TRIP12: variants seen among roughly 807,000 people sequenced by gnomAD.
TRIP12 encodes the protein thyroid hormone receptor interactor 12.
In TRIP12, 25 loss-of-function variants were observed where a neutral mutation model predicts 244.2. The ratio of observed to expected loss-of-function variants is 0.10; its 90% CI spans 0.07 to 0.14. The LOEUF (loss-of-function observed/expected upper bound fraction) is 0.14. TRIP12 is among the 10% of genes least tolerant of loss of function. TRIP12 has a pLI of 1.00. For missense variants in TRIP12, 1,677 were observed against 2,486.4 expected, an observed-to-expected ratio of 0.67 and a Z score of 6.92; for synonymous variants, 905 against 873.1, an observed-to-expected ratio of 1.04 and a Z score of -0.64.
intron 13 of TRIP12, among the ~76,000 whole-genome samples, chr2:229,811,427 CT>C (rs142211614): frequency 0.022 from 3,348 of 151,718 alleles, 133 homozygotes; most frequent in African/African-American, 0.077. Flanking sequence ...ATAAAGGCCC[CT>C]ACTAGATAAA....
chr2:229,797,612 G>C (rs1441608884), intron 24 of TRIP12, 78 bp downstream of exon 24: 38 of 1,547,020 alleles, frequency 2.5e-5, no homozygotes, highest in Non-Finnish European at 3.3e-5. Flanking sequence ...GGAAGCTAGA[G>C]AGTCATGAAG....
intron 2 of TRIP12, among the ~76,000 whole-genome samples, chr2:229,869,703 A>G (rs2062193749): frequency 6.6e-6 from 1 of 152,234 alleles, no homozygotes; most frequent in Admixed American, 6.5e-5. Context: ...ATGTTGTATT[A>G]AGGCAGAACT....
At chr2:229,872,711 A>G (rs548681522) in intron 2 of TRIP12, among the ~76,000 whole-genome samples, 1 of 152,344 alleles carries the variant, frequency 6.6e-6, no homozygotes, top group South Asian at 2.1e-4. Flanking sequence ...CTTACTCTAA[A>G]ATCTTCCTGT....
chr2:229,799,385 T>C lies in TRIP12; in HGVS notation c.3207-2A>G. On this transcript the variant is annotated splice_acceptor_variant, in intron 21 of 41. Transcript: ENST00000675903. LOFTEE classifies it high-confidence loss of function. Reference sequence around the variant, plus strand: ...CTCTTTAGAACATCACTTAATCGACTGTCCATGGGAAAATATGAGATAAGT... The same window carrying C: ...CTCTTTAGAACATCACTTAATCGACCGTCCATGGGAAAATATGAGATAAGT... The C allele has an allele frequency of 6.2e-7, 1 of 1,613,128 alleles. No individual in the cohort carries two copies. The highest frequency in any genetic ancestry group is 8.5e-7 in the Non-Finnish European group (1 of 1,179,182).
At chr2:229,869,836 G>A (rs1022524362) in intron 2 of TRIP12, among the ~76,000 whole-genome samples, 1 of 152,122 alleles carries the variant, frequency 6.6e-6, no homozygotes, top group Non-Finnish European at 1.5e-5. Context: ...AACTACTAAC[G>A]AATTTAAACT....
chr2:229,871,684 C>A (rs1034410278), intron 2 of TRIP12, among the ~76,000 whole-genome samples: 3 of 152,170 alleles, frequency 2.0e-5, no homozygotes, highest in African/African-American at 7.2e-5. Context: ...TATAAATTAC[C>A]CAGTCTCAGG....
intron 2 of TRIP12, among the ~76,000 whole-genome samples, chr2:229,876,479 T>C (rs2063592058): frequency 6.6e-6 from 1 of 152,220 alleles, no homozygotes; most frequent in Admixed American, 6.5e-5. Flanking sequence ...TTCTATGTCC[T>C]GATCACACTC....
At chr2:229,878,724 GC>G (rs2064161866) in intron 2 of TRIP12, among the ~76,000 whole-genome samples, 1 of 151,382 alleles carries the variant, frequency 6.6e-6, no homozygotes, top group African/African-American at 2.4e-5. Context: ...GGGACTACAG[GC>G]GCCCACCACC....
In TRIP12 at chr2:229,796,665, A is replaced by T. The variant is rs1157737054; in HGVS notation, c.3742T>A (p.Ser1248Thr). The change falls in exon 25 of 42, where the codon TCT becomes ACT. Residue 1248 changes from serine (S) to threonine (T), a missense_variant. Transcript: ENST00000675903. ...FVKQLLLYLT[S>T]KSEKDAVSRE... Reference sequence around the variant, plus strand: ...CTCACAGCATCCTTTTCACTTTTAGATGTCAAATAAAGCAACAGCTGCTTC... The same window carrying T: ...CTCACAGCATCCTTTTCACTTTTAGTTGTCAAATAAAGCAACAGCTGCTTC... The T allele has an allele frequency of 1.2e-6, 2 of 1,613,172 alleles. No individual in the cohort carries two copies. The highest frequency in any genetic ancestry group is 1.7e-6 in the Non-Finnish European group (2 of 1,179,808).
Position 229,797,697 on chromosome 2 carries a change from T to C in TRIP12, c.3617A>G (p.Asn1206Ser), listed in dbSNP as rs1003150959. ...QRLCAATEQL[N>S]LQVDGGAECL... is the part of the protein sequence containing the mutation. ...ATGCACTGGACACAGCACCTGGAGGTTGAGTTGTTCGGTTGCAGCACAAAG... is the reference window on the plus strand; with the variant it reads ...ATGCACTGGACACAGCACCTGGAGGCTGAGTTGTTCGGTTGCAGCACAAAG... Residue 1206 changes from asparagine to serine, a missense_variant, in exon 24 of 42, where the codon AAC becomes AGC. Physicochemically the swap from Asn to Ser is conservative, Grantham distance 46. Around this residue, in one of 11 missense-constraint regions of TRIP12, gnomAD observed 572 missense variants for 867.8 expected, o/e 0.66. Coordinates refer to ENST00000675903, the MANE Select transcript of TRIP12 (RefSeq NM_001348323.3). 3.7e-6 allele frequency: 6 copies of C among 1,612,780 alleles called. No homozygotes were observed. The highest frequency in any genetic ancestry group is 1.3e-5 in the African/African-American group (1 of 74,946).
At chr2:229,801,996 A>C (rs1234346823) in intron 21 of TRIP12, among the ~76,000 whole-genome samples, 1 of 152,236 alleles carries the variant, frequency 6.6e-6, no homozygotes, top group Non-Finnish European at 1.5e-5. Context: ...ACACCGTGCA[A>C]GTCACAAATG....
In TRIP12 at chr2:229,857,786, C is replaced by T. The variant is rs183334627; in HGVS notation, c.1027+986G>A. Among the ~76,000 whole-genome samples the T allele has an allele frequency of 7.9e-5, 12 of 152,314 alleles. No individual in the cohort carries two copies. In the East Asian group the frequency reaches 2.1e-3, roughly 27 times the overall value. On this transcript the variant is annotated intron_variant, in intron 4 of 41. Coordinates refer to ENST00000675903, the MANE Select transcript of TRIP12 (RefSeq NM_001348323.3). The stretch of plus-strand genomic sequence containing the variant: ...CTGACTCATGAAGGAATGCACATAA[C>T]GCTATGTTTCTTCCATCTACTTTCT...
intron 1 of TRIP12, among the ~76,000 whole-genome samples, chr2:229,920,844 G>C (rs186446609): frequency 6.6e-6 from 1 of 152,130 alleles, no homozygotes; most frequent in African/African-American, 2.4e-5. Flanking sequence ...TTCGTTATTC[G>C]AACTCCCCTC....
chr2:229,839,502 C>A (rs949849411), intron 5 of TRIP12, among the ~76,000 whole-genome samples: 78 of 152,032 alleles, frequency 5.1e-4, no homozygotes, highest in African/African-American at 1.8e-3. Flanking sequence ...ATGGTGAAAA[C>A]CCATCTCTAC....
At position 229,797,780 on chromosome 2, in the gene TRIP12, A is replaced by G. The variant is rs2043176959; in HGVS notation, c.3534T>C (p.Arg1178=). The part of the protein sequence containing the change: ...IKEQAHKFVE[R]YFSSENMDGS... The stretch of plus-strand genomic sequence containing the variant: ...CATCCATATTCTCAGAACTGAAATA[A>G]CGTTCTACAAATTTATGTGCCTGCT... Residue 1178 remains arginine (R), a synonymous_variant, in exon 24 of 42, where the codon CGT becomes CGC. Transcript: ENST00000675903. 1 of 1,613,890 alleles carries G rather than the reference A, an allele frequency of 6.2e-7. No homozygotes were observed. Among genetic ancestry groups the G allele is most frequent in the Non-Finnish European group, 8.5e-7 (1 of 1,179,934 alleles).
At chr2:229,891,726 T>C (rs138526481) in intron 1 of TRIP12, among the ~76,000 whole-genome samples, 15 of 152,364 alleles carry the variant, frequency 9.8e-5, no homozygotes, top group African/African-American at 3.6e-4. Flanking sequence ...TTGGTATCAT[T>C]ACGTATCATC....
intron 1 of TRIP12, among the ~76,000 whole-genome samples, chr2:229,889,303 T>G (rs2066788683): frequency 6.6e-6 from 1 of 152,210 alleles, no homozygotes; most frequent in Non-Finnish European, 1.5e-5. Context: ...ATCTATTTTG[T>G]AGAACACTGT....
chr2:229,826,913 T>C (rs931786833), intron 8 of TRIP12, among the ~76,000 whole-genome samples: 2 of 152,190 alleles, frequency 1.3e-5, no homozygotes, highest in African/African-American at 4.8e-5. Flanking sequence ...TGTGAAAGCC[T>C]AGACTATATA....
chr2:229,841,461 G>C (rs902157356), intron 4 of TRIP12, among the ~76,000 whole-genome samples: 3 of 152,096 alleles, frequency 2.0e-5, no homozygotes, highest in Admixed American at 6.6e-5. Flanking sequence ...TAATTAGGGG[G>C]GAGACTCAAT....
Sources: allele counts gnomAD v4.1 joint callset (sites outside exome capture counted in the v4.1 genomes callset), GRCh38; gene constraint gnomAD v4.1.1; regional missense constraint gnomAD v4.1.1; transcripts MANE v1.5; gene names NCBI Gene and HGNC (gene_info 2026-07-23, HGNC 2026-07-21).